The following PCLO variants were observed in gnomAD, a reference collection of about 807,000 sequenced individuals.
PCLO encodes the protein protein piccolo.
A neutral mutation model predicts 427.5 loss-of-function variants in PCLO; 82 were observed. The observed-to-expected ratio is 0.19, with a 90% CI of 0.16 to 0.23. The LOEUF is 0.23. PCLO is among the 10% of genes least tolerant of loss of function. PCLO has a pLI of 1.00. For missense variants in PCLO, 6,239 were observed against 6,115.9 expected, an observed-to-expected ratio of 1.02 and a Z score of -0.67; for synonymous variants, 2,357 against 2,155.4, an observed-to-expected ratio of 1.09 and a Z score of -2.59.
In PCLO at chr7:82,916,509, C is replaced by T; in HGVS notation, c.11477G>A (p.Gly3826Glu). 6.2e-7 allele frequency: 1 copy of T among 1,613,752 alleles called. No individual in the cohort carries two copies. The highest frequency in any genetic ancestry group is 8.5e-7 in the Non-Finnish European group (1 of 1,179,770). The stretch of plus-strand genomic sequence containing the variant: ...CATGTAATCACGATCCTCAGCTACT[C>T]CCTGGAGGTAGGCTCGTTCTCTCTT... ...REKRERAYLQ[G>E]VAEDRDYMSD... Residue 3826 changes from glycine (G) to glutamate (E), a missense_variant, in exon 7 of 25, where the codon GGA becomes GAA. Around this residue, in one of 5 missense-constraint regions of PCLO, gnomAD observed 680 missense variants for 677.3 expected, o/e 1.00. Transcript: ENST00000333891.
intron 4 of PCLO, among the ~76,000 whole-genome samples, chr7:82,964,695 C>A (rs539605588): frequency 6.6e-6 from 1 of 152,200 alleles, no homozygotes; most frequent in East Asian, 1.9e-4. Context: ...CAAAGGTTAG[C>A]TGGAAGAAGC....
chr7:82,940,203 A>T (rs1013526654), intron 6 of PCLO, among the ~76,000 whole-genome samples: 1 of 151,916 alleles, frequency 6.6e-6, no homozygotes, highest in East Asian at 1.9e-4. Context: ...TATAGGCTCG[A>T]CTCCTGCCAC....
intron 16 of PCLO, among the ~76,000 whole-genome samples, chr7:82,831,255 G>A (rs781231583): frequency 6.6e-6 from 1 of 151,990 alleles, no homozygotes; most frequent in Non-Finnish European, 1.5e-5. Flanking sequence ...AACTGGACCA[G>A]GATCCAAACA....
At chr7:82,973,814 C>T (rs567576064) in intron 3 of PCLO, among the ~76,000 whole-genome samples, 1 of 151,778 alleles carries the variant, frequency 6.6e-6, no homozygotes, top group Admixed American at 6.6e-5. Context: ...ATATTACAAC[C>T]AGATATTAAA....
chr7:83,036,415 G>C (rs1031524325), intron 3 of PCLO, among the ~76,000 whole-genome samples: 3 of 152,134 alleles, frequency 2.0e-5, no homozygotes, highest in Non-Finnish European at 4.4e-5. Flanking sequence ...AGCTCTTGCA[G>C]ATTGATTGCT....
chr7:83,004,973 A>G (rs1357453193), intron 3 of PCLO, among the ~76,000 whole-genome samples: 5 of 151,668 alleles, frequency 3.3e-5, no homozygotes, highest in East Asian at 3.9e-4. Flanking sequence ...ACACAATGAT[A>G]TATCACCTTA....
chr7:83,126,972 G>C (rs1482429220), intron 3 of PCLO, among the ~76,000 whole-genome samples: 3 of 152,002 alleles, frequency 2.0e-5, no homozygotes, highest in Non-Finnish European at 4.4e-5. Context: ...TAATATGGAA[G>C]TTTCCATGAA....
At position 83,155,836 on chromosome 7, in the gene PCLO, G is replaced by C; in HGVS notation, c.805C>G (p.His269Asp). 3.1e-6 allele frequency: 5 copies of C among 1,613,898 alleles called. No individual in the cohort carries two copies. The highest frequency in any genetic ancestry group is 2.2e-5 in the East Asian group (1 of 44,858). ...QGPTQTPQTD[H>D]AKLPLQRDAS... ...TCTCGTTGAAGTGGCAATTTTGCAT[G>C]GTCTGTCTGAGGAGTCTGGGTAGGA... The change falls in exon 2 of 25, where the codon CAT (histidine) becomes GAT (aspartate). Residue 269 changes from histidine (H) to aspartate (D), a missense_variant. By Grantham distance (81) the His-to-Asp change is moderately conservative. Coordinates refer to ENST00000333891, the MANE Select transcript of PCLO (RefSeq NM_033026.6).
intron 3 of PCLO, among the ~76,000 whole-genome samples, chr7:83,029,855 G>T (rs1386003291): frequency 4.8e-5 from 7 of 146,122 alleles, no homozygotes; most frequent in East Asian, 4.1e-4. Flanking sequence ...GTAAACTATC[G>T]CAAGAACAAA....
At chr7:82,969,737 T>A (rs1455600597) in intron 3 of PCLO, among the ~76,000 whole-genome samples, 3 of 152,002 alleles carry the variant, frequency 2.0e-5, no homozygotes, top group Admixed American at 6.6e-5. Context: ...GGTTATTTCA[T>A]CAAGGGACCA....
At chr7:83,069,026 G>T (rs1361618824) in intron 3 of PCLO, among the ~76,000 whole-genome samples, 1 of 152,200 alleles carries the variant, frequency 6.6e-6, no homozygotes, top group Non-Finnish European at 1.5e-5. Flanking sequence ...CATAGAAGCA[G>T]AGAGTAGAAT....
intron 7 of PCLO, among the ~76,000 whole-genome samples, chr7:82,911,815 G>T (rs1258523711): frequency 1.3e-5 from 2 of 152,144 alleles, no homozygotes; most frequent in South Asian, 2.1e-4. Flanking sequence ...TAGAGATGGG[G>T]TTTCACCATG....
chr7:83,068,929 C>T (rs1290935370), intron 3 of PCLO, among the ~76,000 whole-genome samples: 1 of 152,126 alleles, frequency 6.6e-6, no homozygotes, highest in Non-Finnish European at 1.5e-5. Flanking sequence ...ACATAATACA[C>T]ACACATACAC....
chr7:82,846,669 G>A (rs377616503), intron 11 of PCLO, 35 bp from the exon 12 acceptor site: 1 of 1,392,678 alleles, frequency 7.2e-7, no homozygotes. Flanking sequence ...GAAAGATATT[G>A]AGGAAATCTG....
intron 22 of PCLO, among the ~76,000 whole-genome samples, chr7:82,763,391 G>A (rs948925931): frequency 4.6e-5 from 7 of 151,960 alleles, no homozygotes; most frequent in Non-Finnish European, 7.4e-5. Flanking sequence ...TAAAAATCTC[G>A]CGGAACCACG....
At chr7:83,087,687 C>G (rs1400284484) in intron 3 of PCLO, among the ~76,000 whole-genome samples, 1 of 150,678 alleles carries the variant, frequency 6.6e-6, no homozygotes, top group Non-Finnish European at 1.5e-5. Context: ...TATAAAATTC[C>G]ATTACAATAA....
rs528398246 is a variant in PCLO at position 83,107,742 on chromosome 7, G to A, written c.3300+26508C>T. On this transcript the variant is annotated intron_variant, in intron 3 of 24. Coordinates refer to ENST00000333891, the MANE Select transcript of PCLO (RefSeq NM_033026.6). ...GCGGTGGCTCACGCCTATAATCCCA[G>A]CACTTTGGGAGGCCAAGGGGGGCAG... is the stretch of plus-strand genomic sequence containing the variant. Among the ~76,000 whole-genome samples the A allele has an allele frequency of 2.1e-4, 32 of 151,412 alleles. 1 individual carries two copies. In the South Asian group the frequency reaches 6.5e-3, roughly 31 times the overall value.
intron 3 of PCLO, among the ~76,000 whole-genome samples, chr7:83,089,861 T>C (rs1274365508): frequency 6.6e-6 from 1 of 152,200 alleles, no homozygotes; most frequent in Non-Finnish European, 1.5e-5. Flanking sequence ...CTGCCAAGAT[T>C]ACAGAGTAAG....
chr7:82,769,175 TA>T (rs1241412445), intron 22 of PCLO, among the ~76,000 whole-genome samples: 6 of 152,166 alleles, frequency 3.9e-5, no homozygotes, highest in Admixed American at 3.9e-4. Flanking sequence ...AGTATCAGAA[TA>T]AAAGAGTTTA....
Sources: gnomAD v4.1 joint callset for allele counts (sites outside exome capture counted in the v4.1 genomes callset) on GRCh38, gnomAD v4.1.1 for gene constraint, gnomAD v4.1.1 regional missense constraint, MANE v1.5 for transcripts, NCBI Gene and HGNC (gene_info 2026-07-23, HGNC 2026-07-21) for gene names.